Variants in TOX observed in about 807,000 individuals in gnomAD.
TOX encodes the protein thymocyte selection associated high mobility group box, also known as thymocyte selection-associated high mobility group box protein TOX.
TOX carries 11 observed loss-of-function variants against 53.7 expected under a neutral mutation model. The observed-to-expected ratio is 0.20, with a 90% CI of 0.13 to 0.34. TOX has a LOEUF of 0.34. Among genes scored for constraint, TOX ranks in the 10% least tolerant of loss-of-function variants. The probability of loss-of-function intolerance (pLI) is 1.00; values close to 1 mark genes in which losing one functional copy is unlikely to be tolerated. For synonymous variants in TOX, 225 were observed against 245.3 expected (o/e 0.92, Z 0.77); for missense variants, 570 against 664.6 (o/e 0.86, Z 1.56).
At chr8:59,112,968 A>T (rs1387962489) in intron 1 of TOX, among the ~76,000 whole-genome samples, 4 of 152,240 alleles carry the variant, frequency 2.6e-5, no homozygotes, top group African/African-American at 9.6e-5. Context: ...TAACTATCCT[A>T]CCTATGACTT....
intron 5 of TOX, 31 bp from the exon 6 acceptor site, chr8:58,826,933 A>C: frequency 6.3e-7 from 1 of 1,596,566 alleles, no homozygotes; most frequent in Non-Finnish European, 8.5e-7. Flanking sequence ...CTTAAATTAG[A>C]AAGTGCATTT....
intron 1 of TOX, among the ~76,000 whole-genome samples, chr8:59,025,995 A>C (rs1814229505): frequency 6.6e-6 from 1 of 152,242 alleles, no homozygotes; most frequent in Non-Finnish European, 1.5e-5. Flanking sequence ...GTGTAAACAC[A>C]CAGGACTACA....
chr8:59,119,097 G>C lies in TOX; in HGVS notation c.-110C>G. The C allele has an allele frequency of 3.5e-6, 2 of 574,662 alleles. No individual in the cohort carries two copies. The highest frequency in any genetic ancestry group is 3.0e-6 in the Non-Finnish European group (1 of 331,820). 35.6% of individuals were successfully genotyped at this position (574,662 alleles called of 1,614,324 possible). A position where few individuals can be genotyped will look rare whatever the true frequency, so the allele number is the denominator to read the frequency against. The stretch of plus-strand genomic sequence containing the variant: ...GAGGTGTCTGGGCTCAGGAGTAAAA[G>C]AAACACCTTCCTTCCCTCACATCCG... On this transcript the variant is annotated 5_prime_UTR_variant, in exon 1 of 9. Coordinates refer to ENST00000361421, the MANE Select transcript of TOX (RefSeq NM_014729.3).
chr8:58,982,832 G>C (rs1813229415), intron 1 of TOX, among the ~76,000 whole-genome samples: 1 of 152,054 alleles, frequency 6.6e-6, no homozygotes, highest in Non-Finnish European at 1.5e-5. Context: ...ATTGACAATT[G>C]AACAAAATGG....
intron 1 of TOX, among the ~76,000 whole-genome samples, chr8:59,019,818 G>A (rs34576723): frequency 0.064 from 9,678 of 152,118 alleles, 418 homozygotes; most frequent in Non-Finnish European, 0.1. Flanking sequence ...CATTTCACTC[G>A]GTGAGCAGTG....
intron 2 of TOX, among the ~76,000 whole-genome samples, chr8:58,954,630 G>T (rs1486358409): frequency 6.6e-6 from 1 of 152,194 alleles, no homozygotes; most frequent in Non-Finnish European, 1.5e-5. Context: ...AAAAGGAAAT[G>T]AGAGAAGGTA....
At chr8:58,861,541 T>C (rs993318142) in intron 3 of TOX, among the ~76,000 whole-genome samples, 2 of 152,204 alleles carry the variant, frequency 1.3e-5, no homozygotes, top group African/African-American at 4.8e-5. Context: ...TGTTTTGATG[T>C]GCCCAGAGAA....
At chr8:58,972,725 ATCTCTTCT>A (rs1813022791) in intron 1 of TOX, among the ~76,000 whole-genome samples, 1 of 152,192 alleles carries the variant, frequency 6.6e-6, no homozygotes, top group Non-Finnish European at 1.5e-5. Context: ...AAATTATGTA[ATCTCTTCT>A]GTATCATATT....
chr8:58,853,313 C>T lies in TOX; in HGVS notation c.412-1508G>A, dbSNP rs1351227845. Among the ~76,000 whole-genome samples the T allele has an allele frequency of 6.6e-5, 10 of 152,236 alleles. No homozygotes were observed. The East Asian group carries it at 1.9e-3, about 29-fold the overall frequency. On this transcript the variant is annotated intron_variant, in intron 3 of 8. Transcript: ENST00000361421. Reference sequence around the variant, plus strand: ...TTATCCAAACTGTATTCCTCCAAGCCTTCAAAAGTAGTTCAGGATTCTCCT... The same window carrying T: ...TTATCCAAACTGTATTCCTCCAAGCTTTCAAAAGTAGTTCAGGATTCTCCT...
At chr8:58,966,570 A>C (rs1378841025) in intron 1 of TOX, among the ~76,000 whole-genome samples, 1 of 152,134 alleles carries the variant, frequency 6.6e-6, no homozygotes, top group Non-Finnish European at 1.5e-5. Context: ...CTAGACCCAC[A>C]ACTTAGAAGC....
At position 58,845,238 on chromosome 8, in the gene TOX, T is replaced by A. The variant is rs191682255; in HGVS notation, c.693+6286A>T. On this transcript the variant is annotated intron_variant, in intron 4 of 8. Coordinates refer to ENST00000361421, the MANE Select transcript of TOX (RefSeq NM_014729.3). ...ACTATCTTGCAGTAATCGCTGTAGT[T>A]TAAAATAGATTTTAATCAAGCACCA... Among the ~76,000 whole-genome samples the A allele has an allele frequency of 1.1e-3, 171 of 152,272 alleles. 1 individual carries two copies. Among genetic ancestry groups the A allele is most frequent in the African/African-American group, 3.8e-3 (160 of 41,584 alleles).
intron 1 of TOX, among the ~76,000 whole-genome samples, chr8:59,015,330 C>A (rs942628955): frequency 6.6e-6 from 1 of 152,212 alleles, no homozygotes; most frequent in Non-Finnish European, 1.5e-5. Context: ...ACAGAGATTT[C>A]TCAAACATAT....
intron 7 of TOX, among the ~76,000 whole-genome samples, chr8:58,809,819 T>C (rs1428582222): frequency 6.6e-6 from 1 of 152,248 alleles, no homozygotes; most frequent in Admixed American, 6.5e-5. Flanking sequence ...TGTAAGCATC[T>C]TGAGATCAGA....
chr8:58,883,844 A>G (rs1353299145), intron 3 of TOX, among the ~76,000 whole-genome samples: 2 of 152,164 alleles, frequency 1.3e-5, no homozygotes, highest in Non-Finnish European at 2.9e-5. Flanking sequence ...GTATCTTTCC[A>G]CTTAATCTAC....
At chr8:58,966,873 CTT>C (rs550882424) in intron 1 of TOX, among the ~76,000 whole-genome samples, 148 of 123,664 alleles carry the variant, frequency 1.2e-3, no homozygotes, top group Middle Eastern at 4.4e-3. Flanking sequence ...TCAAGTTATT[CTT>C]TTTTTTTTTT....
chr8:58,828,902 C>G (rs554117669), intron 5 of TOX, among the ~76,000 whole-genome samples: 1 of 152,262 alleles, frequency 6.6e-6, no homozygotes, highest in South Asian at 2.1e-4. Flanking sequence ...AACATTTAGT[C>G]AATACGTCTT....
chr8:59,063,573 G>T (rs1040764669), intron 1 of TOX, among the ~76,000 whole-genome samples: 1 of 151,724 alleles, frequency 6.6e-6, no homozygotes, highest in Non-Finnish European at 1.5e-5. Context: ...ACAGGTGCAT[G>T]CCACCACGCC....
intron 1 of TOX, among the ~76,000 whole-genome samples, chr8:59,010,532 G>A (rs1051708071): frequency 6.6e-5 from 10 of 152,102 alleles, no homozygotes; most frequent in Non-Finnish European, 1.2e-4. Context: ...GCTGGATTCC[G>A]CTCCAGTGCA....
chr8:59,079,806 A>T (rs1042966801), intron 1 of TOX, among the ~76,000 whole-genome samples: 1 of 152,126 alleles, frequency 6.6e-6, no homozygotes, highest in Non-Finnish European at 1.5e-5. Flanking sequence ...TGGTAGATCC[A>T]TTGGTAGCTC....
Sources: gnomAD v4.1 joint callset for allele counts (sites outside exome capture counted in the v4.1 genomes callset) on GRCh38, gnomAD v4.1.1 for gene constraint, MANE v1.5 for transcripts, NCBI Gene and HGNC (gene_info 2026-07-23, HGNC 2026-07-21) for gene names.